BMPER: variants seen among roughly 807,000 people sequenced by gnomAD.
BMPER encodes the protein BMP-binding endothelial regulator protein.
BMPER carries 45 observed loss-of-function variants against 87.3 expected under a neutral mutation model. That is an observed-to-expected ratio of 0.52 (90% CI 0.41 to 0.66). The LOEUF is 0.66. BMPER is among the 30% of genes least tolerant of loss of function. BMPER has a pLI of 0.00. For missense variants in BMPER, 784 were observed against 867.5 expected, an observed-to-expected ratio of 0.90 and a Z score of 1.21; for synonymous variants, 326 against 316.2, an observed-to-expected ratio of 1.03 and a Z score of -0.33.
chr7:34,114,104 T>C (rs1790051567), intron 13 of BMPER, among the ~76,000 whole-genome samples: 2 of 152,220 alleles, frequency 1.3e-5, no homozygotes, highest in Admixed American at 6.5e-5. Flanking sequence ...GGCAGCTGTC[T>C]TCATGTGGCC....
At chr7:34,006,152 A>G (rs1786728224) in intron 6 of BMPER, among the ~76,000 whole-genome samples, 1 of 152,106 alleles carries the variant, frequency 6.6e-6, no homozygotes, top group African/African-American at 2.4e-5. Flanking sequence ...AAAAAATTAA[A>G]TAAACTGCTC....
rs1384798541 is a variant in BMPER at position 34,101,303 on chromosome 7, G to A, written c.1745+15211G>A. 4.6e-5 allele frequency among the ~76,000 whole-genome samples: 7 copies of A among 152,202 alleles called. No individual in the cohort carries two copies. The East Asian group carries it at 1.3e-3, about 29-fold the overall frequency. On this transcript the variant is annotated intron_variant, in intron 13 of 14. Transcript: ENST00000649409. Reference sequence around the variant, plus strand: ...TGTGATTCTAATGTGCAACAGATGTGTGTTCCTGCAGGGAGCAAAGGCACA... The same window carrying A: ...TGTGATTCTAATGTGCAACAGATGTATGTTCCTGCAGGGAGCAAAGGCACA...
rs114503388 is a variant in BMPER at position 34,148,041 on chromosome 7, T to G, written c.1876+4681T>G. 9.4e-3 allele frequency among the ~76,000 whole-genome samples: 1,424 copies of G among 152,238 alleles called. 19 individuals carry two copies. The highest frequency in any genetic ancestry group is 0.032 in the African/African-American group (1,319 of 41,524). On this transcript the variant is annotated intron_variant, in intron 14 of 14. Transcript: ENST00000649409. The stretch of plus-strand genomic sequence containing the variant: ...TTGCCAAGGCTTGTGGGGTCATTTG[T>G]GGTCTCTGATCCTGGCTTACTTCTC...
At chr7:33,997,651 C>T (rs1158961305) in intron 6 of BMPER, among the ~76,000 whole-genome samples, 3 of 152,178 alleles carry the variant, frequency 2.0e-5, no homozygotes, top group Non-Finnish European at 4.4e-5. Flanking sequence ...TTCTTTATAG[C>T]AGTGTGAAAA....
chr7:33,986,106 C>G (rs1431444234), intron 6 of BMPER, among the ~76,000 whole-genome samples: 1 of 152,224 alleles, frequency 6.6e-6, no homozygotes, highest in African/African-American at 2.4e-5. Flanking sequence ...TTGCGACCTT[C>G]TGTACCTGCT....
At chr7:33,928,463 G>T (rs1414080017) in intron 2 of BMPER, among the ~76,000 whole-genome samples, 1 of 151,734 alleles carries the variant, frequency 6.6e-6, no homozygotes, top group Non-Finnish European at 1.5e-5. Context: ...TTTTTATTTG[G>T]TGGTTGTTTT....
At chr7:34,013,324 A>G (rs767692144) in intron 6 of BMPER, among the ~76,000 whole-genome samples, 22 of 151,664 alleles carry the variant, frequency 1.5e-4, no homozygotes, top group Non-Finnish European at 2.4e-4. Flanking sequence ...TAGAGTTTGT[A>G]TCATCAGTAT....
At chr7:33,994,299 C>G (rs980703581) in intron 6 of BMPER, among the ~76,000 whole-genome samples, 1 of 152,222 alleles carries the variant, frequency 6.6e-6, no homozygotes, top group African/African-American at 2.4e-5. Flanking sequence ...CCCTCCGAGC[C>G]AGGTGCGGGA....
At chr7:34,142,825 T>A (rs1790908113) in intron 13 of BMPER, among the ~76,000 whole-genome samples, 1 of 152,218 alleles carries the variant, frequency 6.6e-6, no homozygotes, top group African/African-American at 2.4e-5. Flanking sequence ...GGTATTCCAG[T>A]AGGGTAGCCA....
At chr7:33,940,036 T>A (rs1302312068) in intron 3 of BMPER, 1 of 250,026 alleles carries the variant, frequency 4.0e-6, no homozygotes, top group South Asian at 4.6e-5. Flanking sequence ...GTTTTTTTTT[T>A]AATTGGAATT....
At chr7:34,120,075 G>C (rs1185135557) in intron 13 of BMPER, among the ~76,000 whole-genome samples, 2 of 152,110 alleles carry the variant, frequency 1.3e-5, no homozygotes, top group African/African-American at 4.8e-5. Context: ...ACCTTGCAAG[G>C]ATAATTTGAC....
At chr7:34,020,608 G>A (rs958718911) in intron 6 of BMPER, among the ~76,000 whole-genome samples, 1 of 151,892 alleles carries the variant, frequency 6.6e-6, no homozygotes, top group African/African-American at 2.4e-5. Flanking sequence ...TAATGTACAT[G>A]GTTTGTGGAT....
rs187931269 is a variant in BMPER at position 33,985,730 on chromosome 7, T to G, written c.576+10946T>G. On this transcript the variant is annotated intron_variant, in intron 6 of 14. Transcript: ENST00000649409. ...TCCATATGTTTATCAGCCATTTGTG[T>G]TTTTTTTTTTCTGTAAATTGTCTGT... Among the ~76,000 whole-genome samples, 910 of 144,376 alleles carry G rather than the reference T, an allele frequency of 6.3e-3. 7 individuals are homozygous for G. Among genetic ancestry groups the G allele is most frequent in the African/African-American group, 0.02 (753 of 37,830 alleles). The allele number at this position is 144,376 out of a possible 152,430, so 94.7% of individuals were successfully genotyped here.
intron 6 of BMPER, among the ~76,000 whole-genome samples, chr7:34,043,997 G>A (rs756086947): frequency 3.3e-5 from 5 of 152,212 alleles, no homozygotes; most frequent in Non-Finnish European, 7.3e-5. Context: ...AGCAGGTTGT[G>A]AGCTGCAACT....
At position 34,000,722 on chromosome 7, in the gene BMPER, A is replaced by C. The variant is rs116053366; in HGVS notation, c.576+25938A>C. ...AGGTTTGAAACTTTTCAAAATTAAA[A>C]GTTAGTGAAAAAATAGAAAGTTGTC... On this transcript the variant is annotated intron_variant, in intron 6 of 14. Coordinates refer to ENST00000649409, the MANE Select transcript of BMPER (RefSeq NM_001365308.1). 8.6e-3 allele frequency among the ~76,000 whole-genome samples: 1,314 copies of C among 152,232 alleles called. 17 individuals carry two copies. Among genetic ancestry groups the C allele is most frequent in the African/African-American group, 0.03 (1,242 of 41,552 alleles).
At chr7:33,945,188 G>A (rs921963450) in intron 3 of BMPER, among the ~76,000 whole-genome samples, 2 of 150,204 alleles carry the variant, frequency 1.3e-5, no homozygotes, top group African/African-American at 2.5e-5. Context: ...TGATCCGCCC[G>A]CCTTGGCCTC....
intron 6 of BMPER, among the ~76,000 whole-genome samples, chr7:34,029,648 C>G (rs571446361): frequency 6.6e-6 from 1 of 152,170 alleles, no homozygotes; most frequent in African/African-American, 2.4e-5. Context: ...CCATTGCCAC[C>G]TACTGAGGAT....
intron 13 of BMPER, among the ~76,000 whole-genome samples, chr7:34,107,459 A>G (rs1261985018): frequency 6.6e-6 from 1 of 152,230 alleles, no homozygotes; most frequent in East Asian, 1.9e-4. Context: ...GCCAAACCTC[A>G]GAGAGTAGCT....
chr7:33,944,372 G>A (rs1437569372), intron 3 of BMPER, among the ~76,000 whole-genome samples: 2 of 151,992 alleles, frequency 1.3e-5, no homozygotes, highest in Non-Finnish European at 2.9e-5. Flanking sequence ...TCGCTGTGTT[G>A]GCCAGGCTCA....
Sources: allele counts gnomAD v4.1 joint callset (sites outside exome capture counted in the v4.1 genomes callset), GRCh38; gene constraint gnomAD v4.1.1; transcripts MANE v1.5; gene names NCBI Gene and HGNC (gene_info 2026-07-23, HGNC 2026-07-21).